The following WAPL variants were observed in gnomAD, a reference collection of about 807,000 sequenced individuals.
The protein encoded by WAPL is WAPL cohesin release factor, also known as wings apart-like protein homolog.
A neutral mutation model predicts 121.0 loss-of-function variants in WAPL; 5 were observed. That is an observed-to-expected ratio of 0.04 (90% CI 0.02 to 0.09). The LOEUF is 0.09. Among genes scored for constraint, WAPL ranks in the 10% least tolerant of loss-of-function variants. The pLI is 1.00. For missense variants in WAPL, 999 were observed against 1,410.8 expected, an observed-to-expected ratio of 0.71 and a Z score of 4.68; for synonymous variants, 480 against 481.5, an observed-to-expected ratio of 1.00 and a Z score of 0.04.
At chr10:86,497,488 T>C (rs1842170908) in intron 3 of WAPL, among the ~76,000 whole-genome samples, 169 bp from the exon 4 acceptor site, 1 of 152,214 alleles carries the variant, frequency 6.6e-6, no homozygotes, top group Non-Finnish European at 1.5e-5. Flanking sequence ...AGTTTCATTC[T>C]GCCATTCTCC....
chr10:86,518,122 T>A, intron 1 of WAPL, 31 bp from the exon 2 acceptor site: 1 of 1,580,322 alleles, frequency 6.3e-7, no homozygotes, highest in Non-Finnish European at 8.6e-7. Context: ...AAACATATAA[T>A]CATCAAATAC....
chr10:86,468,442 C>CCCA (rs1268177998), intron 8 of WAPL, among the ~76,000 whole-genome samples: 4 of 152,042 alleles, frequency 2.6e-5, no homozygotes, highest in South Asian at 2.1e-4. Context: ...AAATGATCCA[C>CCCA]CCACCTTGGC....
intron 4 of WAPL, among the ~76,000 whole-genome samples, chr10:86,474,998 A>G (rs935201837): frequency 3.9e-5 from 6 of 152,226 alleles, no homozygotes; most frequent in Non-Finnish European, 8.8e-5. Context: ...ACCATGTAAT[A>G]ACATACATGA....
intron 4 of WAPL, among the ~76,000 whole-genome samples, chr10:86,477,847 A>G (rs976693002): frequency 1.3e-5 from 2 of 151,992 alleles, no homozygotes; most frequent in Non-Finnish European, 2.9e-5. Flanking sequence ...TGGGAGGTCA[A>G]GGTGGGCGGA....
chr10:86,505,043 G>A (rs1344813042), intron 2 of WAPL, among the ~76,000 whole-genome samples: 2 of 151,944 alleles, frequency 1.3e-5, no homozygotes, highest in Non-Finnish European at 2.9e-5. Context: ...AATATTCTGA[G>A]AGCATTTGAT....
At chr10:86,478,199 G>C (rs1402720588) in intron 4 of WAPL, among the ~76,000 whole-genome samples, 2 of 151,970 alleles carry the variant, frequency 1.3e-5, no homozygotes, top group Non-Finnish European at 2.9e-5. Flanking sequence ...GGAGGCCAAG[G>C]GAGACAGATG....
intron 2 of WAPL, among the ~76,000 whole-genome samples, chr10:86,504,616 G>T (rs1373478999): frequency 6.6e-6 from 1 of 150,756 alleles, no homozygotes; most frequent in Non-Finnish European, 1.5e-5. Flanking sequence ...GGCAGAGGTG[G>T]CAGTGAGCCC....
At chr10:86,482,798 G>C (rs566383153) in intron 4 of WAPL, among the ~76,000 whole-genome samples, 1 of 152,220 alleles carries the variant, frequency 6.6e-6, no homozygotes, top group Non-Finnish European at 1.5e-5. Context: ...GGAACAAAGA[G>C]TGGAAAGGTG....
intron 4 of WAPL, among the ~76,000 whole-genome samples, chr10:86,488,002 G>A (rs930213038): frequency 3.3e-5 from 5 of 152,182 alleles, no homozygotes; most frequent in African/African-American, 1.2e-4. Context: ...CAGAACTAAG[G>A]TGAGGAAGAT....
chr10:86,503,547 T>C (rs1380458792), intron 2 of WAPL, among the ~76,000 whole-genome samples: 1 of 151,688 alleles, frequency 6.6e-6, no homozygotes, highest in African/African-American at 2.4e-5. Flanking sequence ...GGTCAGGAGA[T>C]TGAGACCATC....
chr10:86,439,346 G>A (rs1849405539), intron 17 of WAPL, among the ~76,000 whole-genome samples: 1 of 152,206 alleles, frequency 6.6e-6, no homozygotes, highest in Admixed American at 6.5e-5. Context: ...TATCACAGTG[G>A]TGGGCAAAAT....
intron 17 of WAPL, among the ~76,000 whole-genome samples, chr10:86,440,380 C>T (rs978100361): frequency 2.0e-5 from 3 of 151,980 alleles, no homozygotes; most frequent in Admixed American, 6.5e-5. Context: ...CTCCGCCTCC[C>T]GAGTTCACGC....
intron 2 of WAPL, among the ~76,000 whole-genome samples, chr10:86,515,046 G>A (rs1842528592): frequency 6.6e-6 from 1 of 152,124 alleles, no homozygotes; most frequent in Non-Finnish European, 1.5e-5. Context: ...GATCACATGA[G>A]GTCAGGAGTT....
intron 2 of WAPL, among the ~76,000 whole-genome samples, chr10:86,504,023 A>C (rs1474998239): frequency 6.6e-6 from 1 of 151,078 alleles, no homozygotes; most frequent in Admixed American, 6.6e-5. Flanking sequence ...GACAAAAAAA[A>C]CCCAGCCAGG....
rs375521163 is a variant in WAPL at position 86,446,275 on chromosome 10, C to T, written c.3289G>A (p.Glu1097Lys). ...AGGTCAAGTTCTTCATCCTCCTCCTCCTTCTTATGTTTCTCTTCTGTACCA... is the reference window on the plus strand; with the variant it reads ...AGGTCAAGTTCTTCATCCTCCTCCTTCTTCTTATGTTTCTCTTCTGTACCA... ...TDGTEEKHKKEEEDEELDLNK... is the reference protein window; with the variant it reads ...TDGTEEKHKKKEEDEELDLNK... Residue 1097 changes from glutamate to lysine, a missense_variant, in exon 16 of 19, where the codon GAG becomes AAG. Coordinates refer to ENST00000298767, the MANE Select transcript of WAPL (RefSeq NM_015045.5). 1.2e-6 allele frequency: 2 copies of T among 1,614,054 alleles called. No individual in the cohort carries two copies. The highest frequency in any genetic ancestry group is 1.7e-6 in the Non-Finnish European group (2 of 1,180,028).
In WAPL at chr10:86,507,543, T is replaced by C. The variant is rs561840012; in HGVS notation, c.500-6800A>G. ...ATCTACTCCTCCATCCCAATTTTGCTATCACACTGAATTCCACCAAATTCC... is the reference window on the plus strand; with the variant it reads ...ATCTACTCCTCCATCCCAATTTTGCCATCACACTGAATTCCACCAAATTCC... On this transcript the variant is annotated intron_variant, in intron 2 of 18. Transcript: ENST00000298767. 2.0e-4 allele frequency among the ~76,000 whole-genome samples: 31 copies of C among 152,218 alleles called. No individual in the cohort carries two copies. The South Asian group carries it at 6.0e-3, about 29-fold the overall frequency.
At chr10:86,485,993 C>G (rs909753321) in intron 4 of WAPL, among the ~76,000 whole-genome samples, 6 of 152,246 alleles carry the variant, frequency 3.9e-5, no homozygotes, top group Non-Finnish European at 7.3e-5. Context: ...TTGGATCACC[C>G]ACCCAGGAGC....
intron 4 of WAPL, among the ~76,000 whole-genome samples, chr10:86,478,332 G>T (rs1841706030): frequency 6.6e-6 from 1 of 151,986 alleles, no homozygotes; most frequent in Non-Finnish European, 1.5e-5. Flanking sequence ...GAGACGCTGA[G>T]GTGGGAGGAT....
chr10:86,499,359 C>T (rs1236610829), intron 3 of WAPL, among the ~76,000 whole-genome samples: 1 of 152,100 alleles, frequency 6.6e-6, no homozygotes, highest in South Asian at 2.1e-4. Flanking sequence ...GCCTGAAAAA[C>T]ACATTTAAAG....
Sources: allele counts gnomAD v4.1 joint callset (sites outside exome capture counted in the v4.1 genomes callset), GRCh38; gene constraint gnomAD v4.1.1; transcripts MANE v1.5; gene names NCBI Gene and HGNC (gene_info 2026-07-23, HGNC 2026-07-21).